The following KLF8 variants were observed in gnomAD, a reference collection of about 807,000 sequenced individuals.
The protein encoded by KLF8 is Krueppel-like factor 8.
KLF8 carries 10 observed loss-of-function variants against 18.2 expected under a neutral mutation model. The observed-to-expected ratio is 0.55, with a 90% CI of 0.34 to 0.93. The LOEUF (loss-of-function observed/expected upper bound fraction) is 0.93. KLF8 is among the 40% of genes least tolerant of loss of function. The pLI is 0.02. For synonymous variants in KLF8, 109 were observed against 97.3 expected (o/e 1.12, Z -0.71); for missense variants, 264 against 277.9 (o/e 0.95, Z 0.36).
upstream of KLF8, among the ~76,000 whole-genome samples, chrX:56,228,748 TCTC>T (rs2066384009): frequency 9.0e-6 from 1 of 111,438 alleles, no homozygotes; most frequent in African/African-American, 3.3e-5. Context: ...GGGCAAAAGG[TCTC>T]CTTCTAGCTG....
At chrX:56,131,993 A>G in the KLF8 span, among the ~76,000 whole-genome samples, 2 of 111,934 alleles carry the variant, frequency 1.8e-5, no homozygotes, top group Admixed American at 1.9e-4. Context: ...TTATAAAACA[A>G]TTACAACTAG....
chrX:56,061,503 A>C, the KLF8 span, among the ~76,000 whole-genome samples: 2 of 111,600 alleles, frequency 1.8e-5, no homozygotes, highest in African/African-American at 6.5e-5. Flanking sequence ...TTGAGTTCTA[A>C]TTTGACTGCA....
chrX:56,227,413 C>A (rs1033215289), upstream of KLF8, among the ~76,000 whole-genome samples: 5 of 107,736 alleles, frequency 4.6e-5, no homozygotes, highest in African/African-American at 6.8e-5. Context: ...TGCAGTGGTG[C>A]GACCTCAGCT....
At chrX:56,192,879 A>T in the KLF8 span, among the ~76,000 whole-genome samples, 1 of 112,788 alleles carries the variant, frequency 8.9e-6, no homozygotes, top group Non-Finnish European at 1.9e-5. Context: ...TTCTATCACA[A>T]GAAAACATTG....
At chrX:56,172,019 T>A in the KLF8 span, among the ~76,000 whole-genome samples, 6 of 111,666 alleles carry the variant, frequency 5.4e-5, no homozygotes, top group East Asian at 8.4e-4. Context: ...TTTCTCCACA[T>A]CCTCTCTAGC....
the KLF8 span, among the ~76,000 whole-genome samples, chrX:56,035,233 C>T: frequency 8.9e-6 from 1 of 111,786 alleles, no homozygotes; most frequent in Admixed American, 9.5e-5. Flanking sequence ...ACCTTCAGTT[C>T]CTAGTTTATT....
the KLF8 span, among the ~76,000 whole-genome samples, chrX:56,079,745 A>G: frequency 2.7e-5 from 3 of 109,263 alleles, no homozygotes; most frequent in Non-Finnish European, 3.8e-5. Context: ...GTTGACAGTG[A>G]GGTGTTAAAG....
At chrX:56,178,921 G>A in the KLF8 span, among the ~76,000 whole-genome samples, 1 of 112,193 alleles carries the variant, frequency 8.9e-6, no homozygotes, top group South Asian at 3.7e-4. Flanking sequence ...CTAGCCTGAT[G>A]CCTCCAGCAT....
At chrX:56,201,207 C>G in the KLF8 span, among the ~76,000 whole-genome samples, 972 of 111,808 alleles carry the variant, frequency 8.7e-3, 2 homozygotes, top group Middle Eastern at 0.023. Context: ...AGAAAACAAC[C>G]TAAATGTCCA....
the KLF8 span, among the ~76,000 whole-genome samples, chrX:56,190,262 T>G: frequency 9.1e-6 from 1 of 110,146 alleles, no homozygotes; most frequent in Admixed American, 9.7e-5. Flanking sequence ...GACAAAGGGG[T>G]CCACTGAGCA....
At chrX:56,101,389 A>G in the KLF8 span, among the ~76,000 whole-genome samples, 1 of 111,744 alleles carries the variant, frequency 8.9e-6, no homozygotes, top group Non-Finnish European at 1.9e-5. Flanking sequence ...ATCTAGATTG[A>G]CTCCATGTCT....
At chrX:56,034,328 C>T in the KLF8 span, among the ~76,000 whole-genome samples, 1 of 111,844 alleles carries the variant, frequency 8.9e-6, no homozygotes, top group Non-Finnish European at 1.9e-5. Flanking sequence ...TGAATGAAAA[C>T]ACATGTGTTT....
the KLF8 span, among the ~76,000 whole-genome samples, chrX:56,018,806 A>G: frequency 2.7e-5 from 3 of 110,907 alleles, no homozygotes; most frequent in Admixed American, 1.9e-4. Context: ...TGTGTGGTTT[A>G]AAACAAATGA....
intron 2 of KLF8, among the ~76,000 whole-genome samples, chrX:56,258,852 C>T (rs959334064): frequency 9.0e-6 from 1 of 111,698 alleles, no homozygotes; most frequent in Non-Finnish European, 1.9e-5. Context: ...AGTTTGTGTT[C>T]TATAACTACG....
chrX:55,984,817 A>T, the KLF8 span, among the ~76,000 whole-genome samples: 2 of 110,402 alleles, frequency 1.8e-5, no homozygotes, highest in African/African-American at 6.6e-5. Flanking sequence ...CGCCATTCTG[A>T]CTGTTGTGAG....
chrX:55,936,660 A>G, the KLF8 span, among the ~76,000 whole-genome samples: 1 of 112,540 alleles, frequency 8.9e-6, no homozygotes, highest in Non-Finnish European at 1.9e-5. Context: ...CACCTGGAAA[A>G]TCGGGTCACT....
chrX:56,129,097 G>T, the KLF8 span, among the ~76,000 whole-genome samples: 2 of 111,979 alleles, frequency 1.8e-5, no homozygotes, highest in African/African-American at 3.2e-5. Context: ...ACACCATCTA[G>T]ATCTAATCAG....
chrX:56,175,274 C>T, the KLF8 span, among the ~76,000 whole-genome samples: 250 of 111,744 alleles, frequency 2.2e-3, no homozygotes, highest in African/African-American at 8.0e-3. Context: ...TTGAATGTGT[C>T]CCAGAGATTC....
chrX:55,918,508 T>C, the KLF8 span, among the ~76,000 whole-genome samples: 4 of 112,508 alleles, frequency 3.6e-5, no homozygotes, highest in African/African-American at 1.3e-4. Context: ...TACCACAAAA[T>C]GGGTGCCTTA....
Sources: gnomAD v4.1 joint callset for allele counts (sites outside exome capture counted in the v4.1 genomes callset) on GRCh38, gnomAD v4.1.1 for gene constraint, MANE v1.5 for transcripts, NCBI Gene and HGNC (gene_info 2026-07-23, HGNC 2026-07-21) for gene names.